CDH18: variants seen among roughly 807,000 people sequenced by gnomAD.
CDH18 encodes the protein cadherin 18.
A neutral mutation model predicts 67.9 loss-of-function variants in CDH18; 31 were observed. The observed-to-expected ratio is 0.46, with a 90% CI of 0.34 to 0.62. CDH18 has a LOEUF of 0.62. Among genes scored for constraint, CDH18 ranks in the 20% least tolerant of loss-of-function variants. The pLI is 0.01. For missense variants in CDH18, 890 were observed against 975.5 expected (o/e 0.91, Z 1.17); for synonymous variants, 362 against 347.2 (o/e 1.04, Z -0.48).
At chr5:20,012,301 T>C (rs1219676073) in intron 2 of CDH18, among the ~76,000 whole-genome samples, 1 of 151,606 alleles carries the variant, frequency 6.6e-6, no homozygotes, top group African/African-American at 2.4e-5. Flanking sequence ...TTTCTGATTA[T>C]GTTTACTTGA....
intron 3 of CDH18, among the ~76,000 whole-genome samples, chr5:19,834,413 T>C (rs1781390235): frequency 6.6e-6 from 1 of 151,970 alleles, no homozygotes; most frequent in South Asian, 2.1e-4. Flanking sequence ...GATTCTTCTC[T>C]CTCTTCTTTA....
At chr5:20,309,095 C>T (rs573534510) in intron 1 of CDH18, among the ~76,000 whole-genome samples, 5 of 152,236 alleles carry the variant, frequency 3.3e-5, no homozygotes, top group Admixed American at 1.3e-4. Flanking sequence ...CATCGACATG[C>T]GTATGTGAGG....
At chr5:19,616,058 G>A (rs2150124501) in intron 5 of CDH18, among the ~76,000 whole-genome samples, 1 of 152,214 alleles carries the variant, frequency 6.6e-6, no homozygotes, top group South Asian at 2.1e-4. Flanking sequence ...AATAAGTGTG[G>A]TTTCTGGATT....
intron 12 of CDH18, 49 bp downstream of exon 12, chr5:19,483,250 CCT>C (rs771083178): frequency 6.5e-7 from 1 of 1,540,224 alleles, no homozygotes; most frequent in South Asian, 1.2e-5. Flanking sequence ...AAAATGATTC[CCT>C]CTCATTCAGA....
chr5:20,431,306 T>A (rs1204059291), intron 1 of CDH18, among the ~76,000 whole-genome samples: 2 of 151,554 alleles, frequency 1.3e-5, no homozygotes, highest in African/African-American at 4.8e-5. Flanking sequence ...GTCTGGCCAA[T>A]ATGGTGAAAT....
chr5:19,743,784 G>A (rs1769561069), intron 4 of CDH18, among the ~76,000 whole-genome samples: 1 of 151,926 alleles, frequency 6.6e-6, no homozygotes, highest in Non-Finnish European at 1.5e-5. Context: ...AGCTGGGCCT[G>A]GAGGCACACG....
chr5:19,528,431 A>G (rs1748081803), intron 9 of CDH18, among the ~76,000 whole-genome samples: 1 of 151,698 alleles, frequency 6.6e-6, no homozygotes, highest in Non-Finnish European at 1.5e-5. Context: ...ATCAGATAGA[A>G]TCAACATCAA....
intron 1 of CDH18, among the ~76,000 whole-genome samples, chr5:20,408,196 G>C (rs112215993): frequency 4.0e-5 from 6 of 151,684 alleles, no homozygotes; most frequent in Non-Finnish European, 5.9e-5. Flanking sequence ...GACTTTCCCC[G>C]GTAAATAAAA....
intron 1 of CDH18, among the ~76,000 whole-genome samples, chr5:20,451,207 A>T (rs922708918): frequency 2.6e-5 from 4 of 152,130 alleles, no homozygotes; most frequent in Admixed American, 1.3e-4. Flanking sequence ...GTCTTTTTTC[A>T]TCAATGTTCC....
In CDH18 at chr5:19,686,224, A is replaced by G. The variant is rs142431524; in HGVS notation, c.643+35123T>C. Reference sequence around the variant, plus strand: ...TAGGACTTATGGGAAAAATAGAGTCAAGGACATGACACTAAAAAACTTTGT... The same window carrying G: ...TAGGACTTATGGGAAAAATAGAGTCGAGGACATGACACTAAAAAACTTTGT... On this transcript the variant is annotated intron_variant, in intron 5 of 12. Coordinates refer to ENST00000382275, the MANE Select transcript of CDH18 (RefSeq NM_004934.5). Among the ~76,000 whole-genome samples, 15 of 152,278 alleles carry G rather than the reference A, an allele frequency of 9.9e-5. No individual in the cohort carries two copies. In the East Asian group the frequency reaches 2.7e-3, roughly 27 times the overall value.
intron 2 of CDH18, among the ~76,000 whole-genome samples, chr5:20,102,215 AGTGTGTGT>A (rs56036253): frequency 0.78 from 116,684 of 148,790 alleles, 48,150 homozygotes; most frequent in Non-Finnish European, 0.92. Context: ...TGTTATGTGC[AGTGTGTGT>A]GTGTGTGTGT....
intron 2 of CDH18, among the ~76,000 whole-genome samples, chr5:20,224,244 T>G (rs1051353414): frequency 6.6e-6 from 1 of 152,112 alleles, no homozygotes; most frequent in Non-Finnish European, 1.5e-5. Flanking sequence ...AAGTATTTAA[T>G]CATCAAACAA....
intron 6 of CDH18, among the ~76,000 whole-genome samples, chr5:19,592,858 C>T (rs1745392824): frequency 6.6e-6 from 1 of 151,980 alleles, no homozygotes; most frequent in Admixed American, 6.6e-5. Flanking sequence ...ACAACCACTC[C>T]ATTCTTTGAT....
chr5:19,500,369 G>A (rs1743040455), intron 11 of CDH18, among the ~76,000 whole-genome samples: 2 of 151,954 alleles, frequency 1.3e-5, no homozygotes, highest in South Asian at 4.1e-4. Flanking sequence ...TTTATATATG[G>A]TATTATTAAA....
At chr5:19,954,591 G>A (rs1259497548) in intron 2 of CDH18, among the ~76,000 whole-genome samples, 2 of 151,636 alleles carry the variant, frequency 1.3e-5, no homozygotes, top group South Asian at 4.1e-4. Flanking sequence ...AAAATTACAA[G>A]GTGTGTTTAT....
chr5:19,854,182 T>C (rs183408702), intron 2 of CDH18, among the ~76,000 whole-genome samples: 1 of 152,232 alleles, frequency 6.6e-6, no homozygotes, highest in Admixed American at 6.5e-5. Flanking sequence ...ACCTTACTCA[T>C]GAGACATGGA....
Position 20,107,083 on chromosome 5 carries a change from T to C in CDH18, c.-517-115069A>G, listed in dbSNP as rs541640042. 1.8e-3 allele frequency among the ~76,000 whole-genome samples: 99 copies of C among 56,270 alleles called. 2 individuals are homozygous for C. The highest frequency in any genetic ancestry group is 4.4e-3 in the African/African-American group (97 of 22,292). 36.9% of individuals were successfully genotyped at this position (56,270 alleles called of 152,430 possible). A position where few individuals can be genotyped will look rare whatever the true frequency, so the allele number is the denominator to read the frequency against. On this transcript the variant is annotated intron_variant, in intron 2 of 14. Coordinates refer to the CDH18 transcript ENST00000507958. Reference sequence around the variant, plus strand: ...AGCACTTAAGTTCCTTTTATAACTTTCTTTTTTTTTTTTTTGAGACGGAGT... The same window carrying C: ...AGCACTTAAGTTCCTTTTATAACTTCCTTTTTTTTTTTTTTGAGACGGAGT...
At position 20,103,142 on chromosome 5, in the gene CDH18, C is replaced by G. The variant is rs146082866; in HGVS notation, c.-517-111128G>C. Among the ~76,000 whole-genome samples, 331 of 152,278 alleles carry G rather than the reference C, an allele frequency of 2.2e-3. 2 individuals carry two copies. The highest frequency in any genetic ancestry group is 7.8e-3 in the African/African-American group (323 of 41,578). On this transcript the variant is annotated intron_variant, in intron 2 of 14. Transcript: ENST00000507958. ...TTTGCTATGTCATGCGTCCCCAGTA[C>G]AGACAAGCGTTCTTTGAAACATCCC...
chr5:19,682,078 A>G (rs1760419618), intron 5 of CDH18, among the ~76,000 whole-genome samples: 1 of 152,048 alleles, frequency 6.6e-6, no homozygotes, highest in Non-Finnish European at 1.5e-5. Context: ...GGAAGCTATT[A>G]TTTCTCAACT....
Sources: allele counts gnomAD v4.1 joint callset (sites outside exome capture counted in the v4.1 genomes callset), GRCh38; gene constraint gnomAD v4.1.1; transcripts MANE v1.5; gene names NCBI Gene and HGNC (gene_info 2026-07-23, HGNC 2026-07-21).